NUP85: variants seen among roughly 807,000 people sequenced by gnomAD.
The protein encoded by NUP85 is nuclear pore complex protein Nup85.
A neutral mutation model predicts 92.8 loss-of-function variants in NUP85; 23 were observed. That is an observed-to-expected ratio of 0.25 (90% confidence interval 0.18 to 0.35). The LOEUF is 0.35. NUP85 is among the 10% of genes least tolerant of loss of function. The pLI is 1.00. For missense variants in NUP85, 759 were observed against 822.8 expected (o/e 0.92, Z 0.95); for synonymous variants, 314 against 306.9 (o/e 1.02, Z -0.24).
intron 17 of NUP85, 129 bp downstream of exon 17, chr17:75,234,917 C>T (rs778306228): frequency 1.6e-6 from 2 of 1,226,422 alleles, no homozygotes; most frequent in Non-Finnish European, 2.4e-6. Context: ...CCCCTTAGCG[C>T]CCTCTCTGGG....
chr17:75,225,303 G>A (rs762272327), intron 8 of NUP85, 39 bp from the exon 9 acceptor site: 35 of 1,613,690 alleles, frequency 2.2e-5, no homozygotes, highest in Non-Finnish European at 3.0e-5. Context: ...TATAAAGGGT[G>A]TGGATGGGAT....
Position 75,232,959 on chromosome 17 carries a change from TGTCA to T in NUP85, c.1507_1510del (p.Ser503ThrfsTer26). 6.2e-7 allele frequency: 1 copy of T among 1,614,216 alleles called. No individual in the cohort carries two copies. The highest frequency in any genetic ancestry group is 8.5e-7 in the Non-Finnish European group (1 of 1,180,016). ...AAGGATGCCGCCTTTGCCACGCTCG[TGTCA>T]GACAGGTGGGTGCCGCTAGTGTTGG... On this transcript the variant is annotated frameshift_variant, in exon 15 of 19. Coordinates refer to ENST00000245544, the MANE Select transcript of NUP85 (RefSeq NM_024844.5). LOFTEE classifies it high-confidence loss of function.
chr17:75,231,779 C>G lies in NUP85; in HGVS notation c.1245-49C>G. On this transcript the variant is annotated intron_variant, in intron 13 of 18. Coordinates refer to ENST00000245544, the MANE Select transcript of NUP85 (RefSeq NM_024844.5). This position sits in a 1 kb window ranked among gnomAD's most constrained non-coding sequence, Gnocchi z 4.6. ...AAAGGGAGCTGTAGGTGCCAGTCCT[C>G]GGAGCCATGAGGCAGCACCTCATGT... The G allele has an allele frequency of 6.2e-7, 1 of 1,610,360 alleles. No homozygotes were observed. The highest frequency in any genetic ancestry group is 8.5e-7 in the Non-Finnish European group (1 of 1,177,506).
At chr17:75,234,468 C>G (rs2076243519) in intron 16 of NUP85, among the ~76,000 whole-genome samples, 169 bp from the exon 17 acceptor site, 1 of 152,186 alleles carries the variant, frequency 6.6e-6, no homozygotes, top group Non-Finnish European at 1.5e-5. Context: ...TCTTGGTCTG[C>G]ATCTCATTGG....
At chr17:75,212,163 A>C in intron 4 of NUP85, 101 bp downstream of exon 4, 1 of 691,464 alleles carries the variant, frequency 1.4e-6, no homozygotes, top group Non-Finnish European at 2.3e-6. Context: ...AGTTTGATTG[A>C]TATTCCAGTC....
At chr17:75,207,994 AGAT>A (rs2145262284) in intron 1 of NUP85, among the ~76,000 whole-genome samples, 1 of 152,042 alleles carries the variant, frequency 6.6e-6, no homozygotes, top group Admixed American at 6.6e-5. Context: ...TCCTGACCTC[AGAT>A]GATCTGCCCG....
rs1220036537 is a variant in NUP85, at chr17:75,226,174, C to T, written c.1094+17C>T. On this transcript the variant is annotated intron_variant, in intron 11 of 18. Coordinates refer to ENST00000245544, the MANE Select transcript of NUP85 (RefSeq NM_024844.5). ...AGAGTGCAGGTAGGATCTCTCCCAC[C>T]CCCCACTGTAACCATTTTTAGGTGT... The T allele has an allele frequency of 6.2e-7, 1 of 1,600,404 alleles. No individual in the cohort carries two copies. The highest frequency in any genetic ancestry group is 1.1e-5 in the South Asian group (1 of 90,774).
At chr17:75,209,556 G>C (rs2075193977) in intron 2 of NUP85, among the ~76,000 whole-genome samples, 1 of 149,958 alleles carries the variant, frequency 6.7e-6, no homozygotes, top group Non-Finnish European at 1.5e-5. Flanking sequence ...CAATTCTCCT[G>C]CCTCAGTCTC....
intron 16 of NUP85, among the ~76,000 whole-genome samples, chr17:75,233,895 G>A (rs1352142827): frequency 2.6e-5 from 4 of 151,546 alleles, no homozygotes; most frequent in Non-Finnish European, 4.4e-5. Flanking sequence ...ACTGCGCCCC[G>A]CCTAATTTTT....
At chr17:75,221,754 G>A (rs2075604595) in intron 7 of NUP85, among the ~76,000 whole-genome samples, 1 of 152,180 alleles carries the variant, frequency 6.6e-6, no homozygotes, top group African/African-American at 2.4e-5. Flanking sequence ...GCTGAGCAGA[G>A]GAAGCCTGAG....
chr17:75,227,787 G>A (rs558539693), intron 11 of NUP85, among the ~76,000 whole-genome samples: 8 of 152,006 alleles, frequency 5.3e-5, no homozygotes, highest in East Asian at 1.9e-4. Flanking sequence ...ACAAGTGTGC[G>A]CCACCATGCC....
chr17:75,233,222 G>A (rs1031640632), intron 16 of NUP85, 64 bp downstream of exon 16: 3 of 1,331,230 alleles, frequency 2.3e-6, no homozygotes, highest in African/African-American at 1.4e-5. Flanking sequence ...AGGTTGGAGG[G>A]ATCACGTCAG....
At chr17:75,215,871 C>A in intron 6 of NUP85, 48 bp downstream of exon 6, 1 of 1,472,438 alleles carries the variant, frequency 6.8e-7, no homozygotes, top group Non-Finnish European at 9.5e-7. Flanking sequence ...CCCCTTCCAT[C>A]TTCTGCTCTT....
At chr17:75,223,032 CA>C (rs1190240035) in intron 7 of NUP85, among the ~76,000 whole-genome samples, 29 of 48,080 alleles carry the variant, frequency 6.0e-4, no homozygotes, top group East Asian at 5.8e-3. Flanking sequence ...GACTCTGTCT[CA>C]AAAAAAAAAA....
intron 7 of NUP85, among the ~76,000 whole-genome samples, chr17:75,222,992 G>A (rs532562791): frequency 1.8e-4 from 25 of 141,414 alleles, no homozygotes; most frequent in Non-Finnish European, 2.5e-4. Flanking sequence ...CCGAGATCGC[G>A]CCACTGCACT....
chr17:75,227,921 G>C (rs546092500), intron 11 of NUP85: 1 of 152,610 alleles, frequency 6.6e-6, no homozygotes, highest in East Asian at 1.9e-4. Context: ...GATTACAGGC[G>C]TAAGCCACCA....
At chr17:75,224,280 T>C (rs1458697295) in intron 7 of NUP85, among the ~76,000 whole-genome samples, 1 of 151,624 alleles carries the variant, frequency 6.6e-6, no homozygotes, top group African/African-American at 2.4e-5. Flanking sequence ...CTTCTGACTT[T>C]GTGATCTGCC....
chr17:75,221,312 T>A (rs1339008195), intron 7 of NUP85, among the ~76,000 whole-genome samples: 3 of 152,086 alleles, frequency 2.0e-5, no homozygotes, highest in East Asian at 1.9e-4. Flanking sequence ...CTCATTTTTT[T>A]ATTTTTAGTA....
chr17:75,227,331 T>TTG (rs2075842790), intron 11 of NUP85, among the ~76,000 whole-genome samples: 1 of 141,782 alleles, frequency 7.1e-6, no homozygotes, highest in Admixed American at 7.0e-5. Context: ...TCTGGGTTTT[T>TTG]TTTTTTTTTT....
Sources: gnomAD v4.1 joint callset for allele counts (sites outside exome capture counted in the v4.1 genomes callset) on GRCh38, gnomAD v4.1.1 for gene constraint, Gnocchi (gnomAD v3.1) non-coding constraint, MANE v1.5 for transcripts, NCBI Gene and HGNC (gene_info 2026-07-23, HGNC 2026-07-21) for gene names.